Variants in CD226 observed in about 807,000 individuals in gnomAD.
The protein encoded by CD226 is CD226 antigen.
Under a neutral mutation model 34.9 loss-of-function variants are expected in CD226, and 24 were observed. The observed-to-expected ratio is 0.69, with a 90% CI of 0.50 to 0.97. The LOEUF (loss-of-function observed/expected upper bound fraction) is 0.97, where lower values mean the gene tolerates loss of function less well. CD226 is among the 50% of genes least tolerant of loss of function. The pLI is 0.00. For synonymous variants in CD226, 148 were observed against 147.4 expected, an observed-to-expected ratio of 1.00 and a Z score of -0.03; for missense variants, 397 against 412.7, an observed-to-expected ratio of 0.96 and a Z score of 0.33.
rs575744685 is a variant in CD226 at position 69,860,442 on chromosome 18, A to T, written c.*3872T>A. 6.6e-6 allele frequency: 1 copy of T among 152,324 alleles called. No homozygotes were observed. Among genetic ancestry groups the T allele is most frequent in the East Asian group, 1.9e-4 (1 of 5,182 alleles). 9.4% of individuals were successfully genotyped at this position (152,324 alleles called of 1,614,324 possible). On this transcript the variant is annotated 3_prime_UTR_variant, in exon 6 of 6. Coordinates refer to ENST00000582621, the MANE Select transcript of CD226 (RefSeq NM_001303618.2). The stretch of plus-strand genomic sequence containing the variant: ...ATTTATTACTCATACTTCCAAATGG[A>T]CCTTTTCTTACATCTTACAAGATAG...
rs1458845510 is a variant in CD226 at position 69,855,530 on chromosome 18, G to C, written c.*8784C>G. The C allele has an allele frequency of 6.6e-6, 1 of 152,080 alleles. No individual in the cohort carries two copies. The highest frequency in any genetic ancestry group is 1.9e-4 in the East Asian group (1 of 5,192). 9.4% of individuals were successfully genotyped at this position (152,080 alleles called of 1,614,324 possible). A position where few individuals can be genotyped will look rare whatever the true frequency, so the allele number is the denominator to read the frequency against. On this transcript the variant is annotated 3_prime_UTR_variant, in exon 6 of 6. Transcript: ENST00000582621. ...TAATTGAAGAAGAAGAAAGAATGGAGCAAAAGAATGTTAGAAGTAATAACG... is the reference window on the plus strand; with the variant it reads ...TAATTGAAGAAGAAGAAAGAATGGACCAAAAGAATGTTAGAAGTAATAACG...
intron 3 of CD226, among the ~76,000 whole-genome samples, chr18:69,874,159 A>T (rs1345812201): frequency 6.6e-6 from 1 of 152,172 alleles, no homozygotes; most frequent in Non-Finnish European, 1.5e-5. Context: ...GTGTCTCTTC[A>T]TTTGTCAACT....
At chr18:69,875,125 ATTTAT>A (rs1203794302) in intron 3 of CD226, among the ~76,000 whole-genome samples, 6 of 152,008 alleles carry the variant, frequency 3.9e-5, no homozygotes, top group Non-Finnish European at 5.9e-5. Flanking sequence ...TGATAGCTTT[ATTTAT>A]TTTATTTTAA....
At chr18:69,865,396 T>C (rs559299835) in intron 5 of CD226, among the ~76,000 whole-genome samples, 3 of 152,346 alleles carry the variant, frequency 2.0e-5, no homozygotes, top group East Asian at 3.9e-4. Context: ...AATGTCTTTT[T>C]TTGACAGTCC....
intron 4 of CD226, among the ~76,000 whole-genome samples, chr18:69,867,642 T>G (rs1328812707): frequency 3.3e-5 from 5 of 152,208 alleles, no homozygotes; most frequent in Non-Finnish European, 5.9e-5. Flanking sequence ...ATCTAACCAC[T>G]GTGCATTAGT....
chr18:69,900,019 T>C (rs1329717112), intron 2 of CD226, among the ~76,000 whole-genome samples: 1 of 152,084 alleles, frequency 6.6e-6, no homozygotes, highest in African/African-American at 2.4e-5. Flanking sequence ...AGCAAAGACA[T>C]GAAATCAACC....
intron 2 of CD226, among the ~76,000 whole-genome samples, chr18:69,937,320 C>A (rs538236309): frequency 6.3e-4 from 96 of 152,232 alleles, no homozygotes; most frequent in African/African-American, 2.1e-3. Flanking sequence ...AGCCTACTAT[C>A]TAGAAAATAG....
chr18:69,933,297 C>T (rs1048051121), intron 2 of CD226, among the ~76,000 whole-genome samples: 5 of 152,194 alleles, frequency 3.3e-5, no homozygotes, highest in Admixed American at 3.3e-4. Flanking sequence ...ACCTTCCACC[C>T]TCCGACCTTC....
intron 2 of CD226, among the ~76,000 whole-genome samples, chr18:69,933,374 G>C (rs934504557): frequency 2.6e-5 from 4 of 152,132 alleles, no homozygotes; most frequent in Admixed American, 6.5e-5. Context: ...CCTGGTATGC[G>C]ATGTTTCTTG....
Position 69,900,801 on chromosome 18 carries a change from A to G in CD226, c.383-4756T>C, listed in dbSNP as rs76171650. On this transcript the variant is annotated intron_variant, in intron 2 of 5. Coordinates refer to ENST00000582621, the MANE Select transcript of CD226 (RefSeq NM_001303618.2). ...GTATTTCTGACTTTAAACACTTGAA[A>G]AAATTAATTTGCAATTCATTTGCAC... Among the ~76,000 whole-genome samples the G allele has an allele frequency of 1.4e-3, 219 of 152,246 alleles. 2 individuals are homozygous for G. Among genetic ancestry groups the G allele is most frequent in the African/African-American group, 4.9e-3 (205 of 41,546 alleles).
chr18:69,906,516 A>G (rs77327993), intron 2 of CD226, among the ~76,000 whole-genome samples: 3,463 of 152,142 alleles, frequency 0.023, 130 homozygotes, highest in African/African-American at 0.078. Flanking sequence ...CGCTGCAAAA[A>G]TCTCGTCAGG....
upstream of CD226, among the ~76,000 whole-genome samples, chr18:69,948,024 A>G (rs2145370737): frequency 6.6e-6 from 1 of 152,342 alleles, no homozygotes; most frequent in East Asian, 1.9e-4. Flanking sequence ...TCAAAAGCCC[A>G]TCAGATACAA....
chr18:69,883,651 G>T (rs1297751201), intron 3 of CD226, among the ~76,000 whole-genome samples: 16 of 152,178 alleles, frequency 1.1e-4, no homozygotes, highest in African/African-American at 3.9e-4. Flanking sequence ...ACTAAACTTA[G>T]AAGATGTATG....
At chr18:69,881,243 A>G (rs1984242423) in intron 3 of CD226, among the ~76,000 whole-genome samples, 1 of 152,262 alleles carries the variant, frequency 6.6e-6, no homozygotes, top group Non-Finnish European at 1.5e-5. Flanking sequence ...CAGATGGACC[A>G]TAATGAGTGA....
chr18:69,910,320 C>T (rs1487529821), intron 2 of CD226, among the ~76,000 whole-genome samples: 1 of 152,198 alleles, frequency 6.6e-6, no homozygotes, highest in East Asian at 1.9e-4. Context: ...TGGAGACCAA[C>T]ATCTCAGTGA....
intron 3 of CD226, among the ~76,000 whole-genome samples, chr18:69,892,429 C>G (rs1353265093): frequency 3.9e-5 from 6 of 152,102 alleles, no homozygotes; most frequent in African/African-American, 1.4e-4. Flanking sequence ...ACAGACATTC[C>G]CCTGTGCTCC....
chr18:69,891,013 A>G (rs1278771938), intron 3 of CD226, among the ~76,000 whole-genome samples: 1 of 112,512 alleles, frequency 8.9e-6, no homozygotes, highest in Non-Finnish European at 1.8e-5. Flanking sequence ...AGACAAAGAC[A>G]CCACAAAAAA....
chr18:69,877,242 T>C (rs1052179758), intron 3 of CD226, among the ~76,000 whole-genome samples: 1 of 152,174 alleles, frequency 6.6e-6, no homozygotes, highest in African/African-American at 2.4e-5. Context: ...GTTAATCTGG[T>C]GGAGCCAGTT....
At chr18:69,895,579 T>A (rs1229659713) in intron 3 of CD226, 122 bp downstream of exon 3, 6 of 732,038 alleles carry the variant, frequency 8.2e-6, no homozygotes, top group Non-Finnish European at 1.4e-5. Context: ...AATTCAGCCA[T>A]TTAAAAAAAT....
Sources: allele counts gnomAD v4.1 joint callset (sites outside exome capture counted in the v4.1 genomes callset), GRCh38; gene constraint gnomAD v4.1.1; transcripts MANE v1.5; gene names NCBI Gene and HGNC (gene_info 2026-07-23, HGNC 2026-07-21).